The following UPF3A variants were observed in gnomAD, a reference collection of about 807,000 sequenced individuals.
The protein encoded by UPF3A is regulator of nonsense transcripts 3A.
A neutral mutation model predicts 53.5 loss-of-function variants in UPF3A; 42 were observed. The observed-to-expected ratio is 0.78, with a 90% CI of 0.61 to 1.01. The LOEUF is 1.01. Ranked by LOEUF, UPF3A falls within the 50% of genes least tolerant of loss-of-function variation. UPF3A has a pLI of 0.00. For missense variants in UPF3A, 575 were observed against 598.0 expected (o/e 0.96, Z 0.40); for synonymous variants, 237 against 225.3 (o/e 1.05, Z -0.47).
chr13:114,301,773 A>T lies in UPF3A; in HGVS notation c.1050A>T (p.Arg350Ser), dbSNP rs780099139. 66 of 1,613,856 alleles carry T rather than the reference A, an allele frequency of 4.1e-5. No individual in the cohort carries two copies. Among genetic ancestry groups the T allele is most frequent in the Non-Finnish European group, 5.5e-5 (65 of 1,179,876 alleles). The change falls in exon 9 of 10, where the codon AGA becomes AGT. Residue 350 changes from arginine to serine, a missense_variant. This residue lies in a region of UPF3A where 323 missense variants were observed against 415.2 expected (regional missense o/e 0.78). Transcript: ENST00000375299. ...ATAAAGAGCACAGGGATGTGGAGAG[A>T]TCTCAAGAACAAGAATCTGAAGCAC... ...GSDKEHRDVE[R>S]SQEQESEAQR...
rs1277347941 is a variant in UPF3A at position 114,282,061 on chromosome 13, A to C, written c.248A>C (p.Gln83Pro). 3 of 1,579,696 alleles carry C rather than the reference A, an allele frequency of 1.9e-6. No individual in the cohort carries two copies. Among genetic ancestry groups the C allele is most frequent in the Non-Finnish European group, 2.6e-6 (3 of 1,164,106 alleles). The change falls in exon 2 of 10, where the codon CAG becomes CCG. Residue 83 changes from glutamine to proline, a missense_variant. Coordinates refer to ENST00000375299, the MANE Select transcript of UPF3A (RefSeq NM_023011.4). ...CTGCCTCCGGGCCTCACCAAGGAGC[A>C]GCTGGAGGAGCAGCTGCGCCCGCTG... is the stretch of plus-strand genomic sequence containing the variant. ...RRLPPGLTKEQLEEQLRPLPA... is the reference protein window; with the variant it reads ...RRLPPGLTKEPLEEQLRPLPA...
At chr13:114,289,399 C>T (rs1224979582) in intron 5 of UPF3A, among the ~76,000 whole-genome samples, 2 of 151,898 alleles carry the variant, frequency 1.3e-5, no homozygotes, top group Non-Finnish European at 2.9e-5. Flanking sequence ...TAGCATGCGC[C>T]TGTAGTCCCA....
intron 3 of UPF3A, chr13:114,285,984 T>C (rs1306811625): frequency 6.9e-6 from 2 of 291,642 alleles, no homozygotes; most frequent in Non-Finnish European, 1.3e-5. Context: ...AACAATTTGA[T>C]GAATTTTGAA....
At chr13:114,303,738 A>T (rs1160620216) in intron 9 of UPF3A, among the ~76,000 whole-genome samples, 2 of 152,084 alleles carry the variant, frequency 1.3e-5, no homozygotes, top group Non-Finnish European at 2.9e-5. Context: ...GCGAGCCCAG[A>T]TTGCGCCATT....
At chr13:114,285,174 C>T (rs1045077916) in intron 3 of UPF3A, 5 of 152,228 alleles carry the variant, frequency 3.3e-5, no homozygotes, top group African/African-American at 1.2e-4. Flanking sequence ...TTTCCCAGCA[C>T]CAGTTGTTGA....
At chr13:114,286,976 C>A in intron 5 of UPF3A, 1 of 192,096 alleles carries the variant, frequency 5.2e-6, no homozygotes. Flanking sequence ...AGACGGATGC[C>A]TCAAGAGCCC....
rs1245528394 is a variant in UPF3A at position 114,282,139 on chromosome 13, C to G, written c.314+12C>G. The G allele has an allele frequency of 1.3e-6, 2 of 1,544,656 alleles. No individual in the cohort carries two copies. Among genetic ancestry groups the G allele is most frequent in the Admixed American group, 3.9e-5 (2 of 50,986 alleles). ...GCCGCCGACCTGAGGTGAGGCCCGCCCCGAGGGGAGGAAGAGAGGGCGGAA... is the reference window on the plus strand; with the variant it reads ...GCCGCCGACCTGAGGTGAGGCCCGCGCCGAGGGGAGGAAGAGAGGGCGGAA... On this transcript the variant is annotated intron_variant, in intron 2 of 9. Transcript: ENST00000375299.
rs766940451 is a variant in UPF3A at position 114,301,685 on chromosome 13, A to C, written c.1008-46A>C. ...GGTCTAGAAAGGAGGGTGGGCAGCC[A>C]ACCGGCGGTTTACTGCAGTTGCTGA... On this transcript the variant is annotated intron_variant, in intron 8 of 9. Coordinates refer to ENST00000375299, the MANE Select transcript of UPF3A (RefSeq NM_023011.4). 7.6e-6 allele frequency: 12 copies of C among 1,572,028 alleles called. 1 individual carries two copies. The South Asian group carries it at 1.4e-4, about 19-fold the overall frequency.
intron 7 of UPF3A, among the ~76,000 whole-genome samples, chr13:114,293,558 G>A (rs2085527038): frequency 6.6e-6 from 1 of 152,046 alleles, no homozygotes; most frequent in Admixed American, 6.6e-5. Context: ...ATTTATGAGG[G>A]TGGTTTAATA....
At chr13:114,297,104 C>T (rs139422187) in intron 7 of UPF3A, among the ~76,000 whole-genome samples, 133 of 152,154 alleles carry the variant, frequency 8.7e-4, no homozygotes, top group African/African-American at 3.1e-3. Context: ...CAAGTGAACA[C>T]GTGTGATTGA....
At position 114,291,526 on chromosome 13, in the gene UPF3A, T is replaced by C. The variant is rs778652809; in HGVS notation, c.669T>C (p.Asn223=). Residue 223 remains asparagine, a synonymous_variant, in exon 6 of 10, where the codon AAT becomes AAC. Transcript: ENST00000375299. ...CACCTCTTTTGGAATATATTAAAAA[T>C]AGAAAATTAGAAAAGCAGGTAGGTC... ...RTTPLLEYIK[N]RKLEKQRIRE... is the part of the protein sequence containing the mutation. 8.7e-6 allele frequency: 14 copies of C among 1,609,112 alleles called. No individual in the cohort carries two copies. Among genetic ancestry groups the C allele is most frequent in the African/African-American group, 6.7e-5 (5 of 74,738 alleles).
intron 5 of UPF3A, among the ~76,000 whole-genome samples, 184 bp from the exon 6 acceptor site, chr13:114,291,305 G>C (rs945402272): frequency 1.3e-5 from 2 of 152,112 alleles, no homozygotes; most frequent in African/African-American, 4.8e-5. Context: ...GTATGAAATT[G>C]TTGATACTTT....
chr13:114,289,394 T>G (rs895443539), intron 5 of UPF3A, among the ~76,000 whole-genome samples: 2 of 151,858 alleles, frequency 1.3e-5, no homozygotes, highest in Non-Finnish European at 2.9e-5. Flanking sequence ...CGTGGTAGCA[T>G]GCGCCTGTAG....
At chr13:114,304,429 C>T (rs1164718837) in intron 9 of UPF3A, among the ~76,000 whole-genome samples, 1 of 152,224 alleles carries the variant, frequency 6.6e-6, no homozygotes, top group African/African-American at 2.4e-5. Context: ...ATGGAAATTG[C>T]TTACTACTCA....
At position 114,305,117 on chromosome 13, in the gene UPF3A, G is replaced by C. The variant is rs2086920699; in HGVS notation, c.*200G>C. ...TATTAAATTGAGCAGAATTCTCACAGATTTTACCATTCCTGTTATAAACTA... is the reference window on the plus strand; with the variant it reads ...TATTAAATTGAGCAGAATTCTCACACATTTTACCATTCCTGTTATAAACTA... On this transcript the variant is annotated 3_prime_UTR_variant, in exon 10 of 10. Transcript: ENST00000375299. The C allele has an allele frequency of 1.8e-6, 1 of 570,986 alleles. No homozygotes were observed. Among genetic ancestry groups the C allele is most frequent in the Non-Finnish European group, 3.1e-6 (1 of 321,456 alleles). 35.4% of individuals were successfully genotyped at this position (570,986 alleles called of 1,614,324 possible). A position where few individuals can be genotyped will look rare whatever the true frequency, so the allele number is the denominator to read the frequency against.
At chr13:114,284,205 T>G (rs1294807862) in intron 3 of UPF3A, 2 of 356,630 alleles carry the variant, frequency 5.6e-6, no homozygotes, top group Non-Finnish European at 7.8e-6. Context: ...CTACTAAAAA[T>G]ACAAAAATTA....
At chr13:114,299,066 A>G in intron 8 of UPF3A, 66 bp downstream of exon 8, 1 of 1,463,740 alleles carries the variant, frequency 6.8e-7, no homozygotes. Flanking sequence ...CTTTGTCAGT[A>G]TGAGTATGCC....
intron 8 of UPF3A, 79 bp from the exon 9 acceptor site, chr13:114,301,652 G>A: frequency 5.5e-6 from 8 of 1,466,156 alleles, no homozygotes; most frequent in Non-Finnish European, 7.5e-6. Flanking sequence ...TGTTGTCTGG[G>A]AACCTGTGGT....
chr13:114,301,058 CA>C (rs1287368182), intron 8 of UPF3A, among the ~76,000 whole-genome samples: 4 of 151,242 alleles, frequency 2.6e-5, no homozygotes, highest in African/African-American at 9.8e-5. Context: ...TGATCCCACC[CA>C]CCTTGGCGTC....
Sources: gnomAD v4.1 joint callset for allele counts (sites outside exome capture counted in the v4.1 genomes callset) on GRCh38, gnomAD v4.1.1 for gene constraint, gnomAD v4.1.1 regional missense constraint, MANE v1.5 for transcripts, NCBI Gene and HGNC (gene_info 2026-07-23, HGNC 2026-07-21) for gene names.